The following NOS3 variants were observed in gnomAD, a reference collection of about 807,000 sequenced individuals.
NOS3 encodes NOS type III.
A neutral mutation model predicts 144.9 loss-of-function variants in NOS3; 98 were observed. That is an observed-to-expected ratio of 0.68 (90% CI 0.57 to 0.80). The LOEUF is 0.80. Among genes scored for constraint, NOS3 ranks in the 30% least tolerant of loss-of-function variants. The pLI, the probability that NOS3 is intolerant of heterozygous loss-of-function variation, is 0.00. For synonymous variants in NOS3, 714 were observed against 702.4 expected (o/e 1.02, Z -0.26); for missense variants, 1,465 against 1,656.4 (o/e 0.88, Z 2.01).
chr7:151,007,059 G>A (rs770756367), intron 16 of NOS3, 43 bp from the exon 17 acceptor site: 19 of 1,614,064 alleles, frequency 1.2e-5, no homozygotes, highest in Non-Finnish European at 1.6e-5. Flanking sequence ...CTGGGCAAAC[G>A]TGGCCTGCAA....
rs3918160 is a variant in NOS3, at chr7:150,992,844, C to G, written c.-51-909C>G. On this transcript the variant is annotated intron_variant, in intron 1 of 26. Transcript: ENST00000297494. ...TGCCCAGCTAGTGGCCTTTCTCCAG[C>G]CCCTCAGATGGCACAGAACTACAAA... 5.6e-3 allele frequency among the ~76,000 whole-genome samples: 846 copies of G among 152,284 alleles called. 6 individuals are homozygous for G. The highest frequency in any genetic ancestry group is 0.019 in the African/African-American group (799 of 41,556).
rs1273318612 is a variant in NOS3 at position 150,998,483 on chromosome 7, C to T, written c.674+35C>T. 4 of 1,611,276 alleles carry T rather than the reference C, an allele frequency of 2.5e-6. No homozygotes were observed. On this transcript the variant is annotated intron_variant, in intron 6 of 26. Transcript: ENST00000297494. This position sits in a 1 kb window ranked among gnomAD's most constrained non-coding sequence, Gnocchi z 5.0. Reference sequence around the variant, plus strand: ...CCCCACCATGCCAGGCCCCAGCCTTCTTCCCCAAGGCAGGGAAGGCGGGGC... The same window carrying T: ...CCCCACCATGCCAGGCCCCAGCCTTTTTCCCCAAGGCAGGGAAGGCGGGGC...
rs1795219518 is a variant in NOS3 at position 151,007,207 on chromosome 7, G to A, written c.2043G>A (p.Gln681=). Residue 681 remains glutamine (Q), a synonymous_variant, in exon 17 of 27, where the codon CAG becomes CAA. Transcript: ENST00000297494. ...AACTGGGCGGGGAGCGGCTGCTGCA[G>A]CTGGGCCAGGGCGACGAGCTGTGCG... ...LEELGGERLL[Q]LGQGDELCGQ... 5.6e-6 allele frequency: 9 copies of A among 1,611,708 alleles called. No individual in the cohort carries two copies. In the South Asian group the frequency reaches 6.6e-5, roughly 12 times the overall value.
At chr7:151,007,037 T>G in intron 16 of NOS3, 32 bp downstream of exon 16, 1 of 1,613,770 alleles carries the variant, frequency 6.2e-7, no homozygotes, top group Non-Finnish European at 8.5e-7. Context: ...GTGCAACGGG[T>G]GGGCAAGCTG....
intron 25 of NOS3, 43 bp from the exon 26 acceptor site, chr7:151,013,681 G>GCCC: frequency 8.3e-7 from 1 of 1,201,048 alleles, no homozygotes; most frequent in Non-Finnish European, 1.2e-6. Context: ...GCGCCCCCGC[G>GCCC]CCCACCCCCA....
At position 151,003,843 on chromosome 7, in the gene NOS3, C is replaced by T; in HGVS notation, c.1752+1539C>T. 1 of 411,842 alleles carries T rather than the reference C, an allele frequency of 2.4e-6. No homozygotes were observed. The highest frequency in any genetic ancestry group is 1.8e-5 in the South Asian group (1 of 56,134). 25.5% of individuals were successfully genotyped at this position (411,842 alleles called of 1,614,324 possible). ...TGAGTGCCGTTCATTGTGTGAATAT[C>T]CCCAGTTTGTTTACCCATTCTCTTG... On this transcript the variant is annotated intron_variant, in intron 14 of 26. Transcript: ENST00000297494. The surrounding 1 kb of genome is among the most constrained non-coding windows in gnomAD (Gnocchi z 4.1).
rs1185493767 is a variant in NOS3, at chr7:151,013,928, G to A, written c.3450+10G>A. ...CATCGGCGTGCTGCGGGTGCGGAGG[G>A]GCGGGCCGGGCCTGAGCGTGCGGGG... On this transcript the variant is annotated intron_variant, in intron 26 of 26. Coordinates refer to ENST00000297494, the MANE Select transcript of NOS3 (RefSeq NM_000603.5). The A allele has an allele frequency of 3.1e-6, 5 of 1,597,942 alleles. No homozygotes were observed. In the African/African-American group the frequency reaches 5.4e-5, roughly 17 times the overall value.
chr7:151,005,363 T>C (rs1197598309), intron 14 of NOS3, among the ~76,000 whole-genome samples: 1 of 152,164 alleles, frequency 6.6e-6, no homozygotes, highest in African/African-American at 2.4e-5. Context: ...TCCTTCCAGC[T>C]TCCTTCCCCC....
At chr7:151,009,641 C>T in intron 20 of NOS3, 56 bp downstream of exon 20, 1 of 1,420,912 alleles carries the variant, frequency 7.0e-7, no homozygotes, top group African/African-American at 1.4e-5. Context: ...CAGCCCCACC[C>T]CCGGCCCCAG....
At position 151,008,821 on chromosome 7, in the gene NOS3, T is replaced by C. The variant is rs552127885; in HGVS notation, c.2113-109T>C. ...TGTCCTTGGCGCCGGCCTCAGCCACTGGGGCTGCCAACCCCCCAGGAGCAA... is the reference window on the plus strand; with the variant it reads ...TGTCCTTGGCGCCGGCCTCAGCCACCGGGGCTGCCAACCCCCCAGGAGCAA... On this transcript the variant is annotated intron_variant, in intron 17 of 26. Transcript: ENST00000297494. The C allele has an allele frequency of 4.1e-5, 54 of 1,303,356 alleles. 1 individual carries two copies. The South Asian group carries it at 9.0e-4, about 22-fold the overall frequency. The allele number at this position is 1,303,356 out of a possible 1,614,324, so 80.7% of individuals were successfully genotyped here.
intron 4 of NOS3, 44 bp from the exon 5 acceptor site, chr7:150,996,719 A>C (rs1290676173): frequency 1.3e-6 from 2 of 1,597,478 alleles, no homozygotes; most frequent in Middle Eastern, 3.3e-4. Flanking sequence ...TCCCTGTCCC[A>C]CACAACTTCC....
At chr7:151,001,138 CACATGTGGTTTGGGGT>C in intron 10 of NOS3, 77 bp from the exon 11 acceptor site, 1 of 1,265,006 alleles carries the variant, frequency 7.9e-7, no homozygotes, top group South Asian at 1.3e-5. Flanking sequence ...TAATCGAGGG[CACATGTGGTTTGGGGT>C]GACCGGAGTG....
Position 150,999,056 on chromosome 7 carries a change from G to A in NOS3, c.927G>A (p.Leu309=), listed in dbSNP as rs759353664. The A allele has an allele frequency of 3.1e-6, 5 of 1,612,636 alleles. No individual in the cohort carries two copies. The highest frequency in any genetic ancestry group is 2.2e-5 in the East Asian group (1 of 44,880). Residue 309 remains leucine (L), a synonymous_variant, in exon 8 of 27, where the codon CTG becomes CTA. Transcript: ENST00000297494. ...PPELFLLPPE[L]VLEVPLEHPT... ...AACTCTTCCTTCTGCCCCCCGAGCT[G>A]GTCCTTGAGGTGCCCCTGGAGCACC...
chr7:151,011,058 G>A (rs1284041840), intron 23 of NOS3, 72 bp downstream of exon 23: 6 of 1,004,040 alleles, frequency 6.0e-6, no homozygotes, highest in Non-Finnish European at 9.3e-6. Flanking sequence ...GAGTGTCACT[G>A]GTGAGGGGTG....
In NOS3 at chr7:150,998,478, G is replaced by A. The variant is rs1802486434; in HGVS notation, c.674+30G>A. ...GTGCCCCCCACCATGCCAGGCCCCA[G>A]CCTTCTTCCCCAAGGCAGGGAAGGC... On this transcript the variant is annotated intron_variant, in intron 6 of 26. Coordinates refer to ENST00000297494, the MANE Select transcript of NOS3 (RefSeq NM_000603.5). This position sits in a 1 kb window ranked among gnomAD's most constrained non-coding sequence, Gnocchi z 5.0. 1 of 1,611,502 alleles carries A rather than the reference G, an allele frequency of 6.2e-7. No individual in the cohort carries two copies. Among genetic ancestry groups the A allele is most frequent in the Non-Finnish European group, 8.5e-7 (1 of 1,179,450 alleles).
rs776189124 is a variant in NOS3 at position 151,014,174 on chromosome 7, C to T, written c.*5C>T. On this transcript the variant is annotated 3_prime_UTR_variant, in exon 27 of 27. Transcript: ENST00000297494. Reference sequence around the variant, plus strand: ...TCAGACACCAACAGCCCCTGAGAGCCGCCTGGCTTTCCCTTCCAGTTCCGG... The same window carrying T: ...TCAGACACCAACAGCCCCTGAGAGCTGCCTGGCTTTCCCTTCCAGTTCCGG... The T allele has an allele frequency of 3.8e-6, 6 of 1,594,820 alleles. No homozygotes were observed. The highest frequency in any genetic ancestry group is 5.1e-6 in the Non-Finnish European group (6 of 1,167,206).
rs763471631 is a variant in NOS3, at chr7:151,009,521, C to G, written c.2448C>G (p.Arg816=). The G allele has an allele frequency of 9.1e-6, 14 of 1,546,216 alleles. No homozygotes were observed. In the South Asian group the frequency reaches 1.7e-4, roughly 18 times the overall value. ...GCCTTGTGGAGGCGCTGCTGAGCCG[C>G]GTGGAGGACCCGCCGGCGCCCACTG... ...RPGLVEALLS[R]VEDPPAPTEP... The change falls in exon 20 of 27, where the codon CGC becomes CGG. Residue 816 remains arginine, a synonymous_variant. Coordinates refer to ENST00000297494, the MANE Select transcript of NOS3 (RefSeq NM_000603.5).
rs908821700 is a variant in NOS3 at position 150,998,771 on chromosome 7, G to C, written c.816+91G>C. On this transcript the variant is annotated intron_variant, in intron 7 of 26. Transcript: ENST00000297494. This position sits in a 1 kb window ranked among gnomAD's most constrained non-coding sequence, Gnocchi z 5.0. ...GGCTCGGGGGATCCAGGCAGGAAGA[G>C]GGGAGCCTCGGTGAGATAAAGGATG... 4.6e-4 allele frequency: 687 copies of C among 1,506,822 alleles called. 2 individuals carry two copies. The highest frequency in any genetic ancestry group is 1.6e-3 in the Middle Eastern group (7 of 4,306). 93.3% of individuals were successfully genotyped at this position (1,506,822 alleles called of 1,614,324 possible). A position where few individuals can be genotyped will look rare whatever the true frequency, so the allele number is the denominator to read the frequency against.
At chr7:150,995,392 G>A (rs929116581) in intron 3 of NOS3, 78 bp downstream of exon 3, 7 of 925,588 alleles carry the variant, frequency 7.6e-6, no homozygotes, top group African/African-American at 3.3e-5. Flanking sequence ...GGCCGGAGAG[G>A]GAAGCTCAAC....
Sources: gnomAD v4.1 joint callset for allele counts (sites outside exome capture counted in the v4.1 genomes callset) on GRCh38, gnomAD v4.1.1 for gene constraint, Gnocchi (gnomAD v3.1) non-coding constraint, MANE v1.5 for transcripts, NCBI Gene and HGNC (gene_info 2026-07-23, HGNC 2026-07-21) for gene names.